SOX6: variants seen among roughly 807,000 people sequenced by gnomAD.
The protein encoded by SOX6 is SRY-box transcription factor 6.
In SOX6, 11 loss-of-function variants were observed where a neutral mutation model predicts 97.8. That is an observed-to-expected ratio of 0.11 (90% CI 0.07 to 0.19). The LOEUF is 0.19. Ranked by LOEUF, SOX6 falls within the 10% of genes least tolerant of loss-of-function variation. SOX6 has a pLI of 1.00. For missense variants in SOX6, 810 were observed against 1,039.5 expected (o/e 0.78, Z 3.04); for synonymous variants, 360 against 371.4 (o/e 0.97, Z 0.35).
chr11:16,641,173 T>G (rs1201705247), intron 3 of SOX6, among the ~76,000 whole-genome samples: 4 of 152,240 alleles, frequency 2.6e-5, no homozygotes, highest in African/African-American at 9.6e-5. Context: ...ATGTACCCAG[T>G]AGTCATTCAG....
At chr11:16,733,996 T>G (rs1261091549) in intron 2 of SOX6, among the ~76,000 whole-genome samples, 1 of 140,900 alleles carries the variant, frequency 7.1e-6, no homozygotes, top group East Asian at 2.1e-4. Context: ...CACTGCACTC[T>G]AGCCTGGGTG....
chr11:16,656,174 G>A (rs1305999883), intron 3 of SOX6, among the ~76,000 whole-genome samples: 1 of 151,996 alleles, frequency 6.6e-6, no homozygotes, highest in Non-Finnish European at 1.5e-5. Flanking sequence ...CGACTCCCTG[G>A]TTCAGCAATT....
chr11:16,077,649 C>A (rs548095057), intron 9 of SOX6, among the ~76,000 whole-genome samples: 5 of 152,282 alleles, frequency 3.3e-5, no homozygotes, highest in Admixed American at 3.3e-4. Flanking sequence ...AGATCATGTT[C>A]TCTGCAGCAA....
intron 4 of SOX6, among the ~76,000 whole-genome samples, chr11:16,585,744 G>A (rs1042400206): frequency 2.1e-5 from 3 of 144,034 alleles, no homozygotes; most frequent in East Asian, 2.0e-4. Context: ...GTGCAGTGGC[G>A]TGATCACGGT....
At chr11:16,035,020 C>T (rs148395661) in intron 12 of SOX6, among the ~76,000 whole-genome samples, 1 of 152,166 alleles carries the variant, frequency 6.6e-6, no homozygotes, top group Non-Finnish European at 1.5e-5. Context: ...AAGGAACAGA[C>T]TCACAGAGAC....
intron 4 of SOX6, among the ~76,000 whole-genome samples, chr11:16,597,869 C>G (rs1375996986): frequency 6.6e-6 from 1 of 152,002 alleles, no homozygotes; most frequent in Admixed American, 6.6e-5. Context: ...AACATGTAAA[C>G]TCTACATTTA....
intron 3 of SOX6, among the ~76,000 whole-genome samples, chr11:16,659,990 T>C (rs963933321): frequency 1.3e-5 from 2 of 152,122 alleles, no homozygotes; most frequent in Admixed American, 1.3e-4. Flanking sequence ...TTTTTTTATG[T>C]TAGTAATGTG....
At chr11:15,982,735 T>A (rs1853701862) in intron 15 of SOX6, among the ~76,000 whole-genome samples, 1 of 152,122 alleles carries the variant, frequency 6.6e-6, no homozygotes, top group African/African-American at 2.4e-5. Context: ...CTACATAGTG[T>A]ACTTTAGCAA....
chr11:16,052,270 C>T (rs1847704263), intron 10 of SOX6, among the ~76,000 whole-genome samples: 1 of 152,136 alleles, frequency 6.6e-6, no homozygotes, highest in Admixed American at 6.6e-5. Flanking sequence ...TCACAGCCTG[C>T]CCTGGCCTGA....
intron 3 of SOX6, chr11:16,311,102 C>T (rs888118576): frequency 2.6e-5 from 4 of 152,024 alleles, no homozygotes; most frequent in African/African-American, 9.7e-5. Context: ...ATCAGCTTTT[C>T]CAAATAGCCT....
rs757756193 is a variant in SOX6, at chr11:16,055,789, T to C, written c.1214A>G (p.Asn405Ser). ...TACAGGGCTGGTCCCTCTCTTTTCA[T>C]TTTTTATCCCAGTAGGTGAGACCGT... is the stretch of plus-strand genomic sequence containing the variant. The part of the protein sequence containing the change: ...AGTVSPTGIK[N>S]EKRGTSPVTQ... The change falls in exon 10 of 16, where the codon AAT becomes AGT. Residue 405 changes from asparagine to serine, a missense_variant. Asn to Ser is a conservative substitution (Grantham distance 46, BLOSUM62 1). Coordinates refer to ENST00000683767, the MANE Select transcript of SOX6 (RefSeq NM_001367873.1). 4 of 1,613,654 alleles carry C rather than the reference T, an allele frequency of 2.5e-6. No homozygotes were observed. In the African/African-American group the frequency reaches 5.3e-5, roughly 22 times the overall value.
Position 16,165,172 on chromosome 11 carries a change from C to T in SOX6, c.777+18714G>A, listed in dbSNP as rs1357337672. ...ACTTGAAAGCCATAAATACTACCAT[C>T]GCATTTAAGGGATATACCCTTGATG... On this transcript the variant is annotated intron_variant, in intron 6 of 15. Coordinates refer to ENST00000683767, the MANE Select transcript of SOX6 (RefSeq NM_001367873.1). Among the ~76,000 whole-genome samples the T allele has an allele frequency of 4.6e-5, 7 of 152,250 alleles. No individual in the cohort carries two copies. In the East Asian group the frequency reaches 7.7e-4, roughly 17 times the overall value.
chr11:16,672,207 C>T (rs1422407544), intron 3 of SOX6, among the ~76,000 whole-genome samples: 1 of 152,132 alleles, frequency 6.6e-6, no homozygotes, highest in Non-Finnish European at 1.5e-5. Context: ...CTTAAATACA[C>T]AGACCAGTGA....
At chr11:16,587,371 T>TTTTTA (rs1326638062) in intron 4 of SOX6, among the ~76,000 whole-genome samples, 7 of 152,106 alleles carry the variant, frequency 4.6e-5, no homozygotes, top group Non-Finnish European at 8.8e-5. Context: ...GTAGATTAAA[T>TTTTTA]AATAAAATAA....
At chr11:16,020,410 T>C (rs1855019197) in intron 12 of SOX6, among the ~76,000 whole-genome samples, 1 of 152,124 alleles carries the variant, frequency 6.6e-6, no homozygotes, top group African/African-American at 2.4e-5. Flanking sequence ...TTCTACTTCA[T>C]GTCTCTGATT....
chr11:16,320,373 A>G (rs1855881589), intron 2 of SOX6, among the ~76,000 whole-genome samples: 1 of 152,162 alleles, frequency 6.6e-6, no homozygotes, highest in Admixed American at 6.6e-5. Context: ...AAGGAAAATG[A>G]TATCTACAGC....
chr11:16,691,465 A>G (rs556229428), intron 3 of SOX6, among the ~76,000 whole-genome samples: 10 of 152,220 alleles, frequency 6.6e-5, no homozygotes, highest in Non-Finnish European at 8.8e-5. Context: ...CATGATTACA[A>G]AAGTAATACA....
chr11:16,091,018 T>C (rs190143285), intron 9 of SOX6, among the ~76,000 whole-genome samples: 38 of 152,216 alleles, frequency 2.5e-4, no homozygotes, highest in African/African-American at 7.7e-4. Flanking sequence ...AATGGAGGTA[T>C]TTTGTAACAG....
intron 1 of SOX6, among the ~76,000 whole-genome samples, chr11:16,429,839 T>A (rs1191464427): frequency 1.3e-5 from 2 of 152,040 alleles, no homozygotes; most frequent in Non-Finnish European, 2.9e-5. Flanking sequence ...AATAAATAAA[T>A]AAATAAGGTC....
Sources: gnomAD v4.1 joint callset for allele counts (sites outside exome capture counted in the v4.1 genomes callset) on GRCh38, gnomAD v4.1.1 for gene constraint, MANE v1.5 for transcripts, NCBI Gene and HGNC (gene_info 2026-07-23, HGNC 2026-07-21) for gene names.